ZBTB38: variants seen among roughly 807,000 people sequenced by gnomAD.
ZBTB38 encodes the protein zinc finger and BTB domain containing 38, also known as zinc finger and BTB domain-containing protein 38.
ZBTB38 carries 20 observed loss-of-function variants against 76.8 expected under a neutral mutation model. The observed-to-expected ratio is 0.26, with a 90% CI of 0.18 to 0.38. The LOEUF is 0.38. Ranked by LOEUF, ZBTB38 falls within the 10% of genes least tolerant of loss-of-function variation. The pLI is 1.00. For missense variants in ZBTB38, 1,082 were observed against 1,482.3 expected (o/e 0.73, Z 4.43); for synonymous variants, 504 against 544.2 (o/e 0.93, Z 1.03).
intron 1 of ZBTB38, among the ~76,000 whole-genome samples, chr3:141,329,274 T>A (rs1212679623): frequency 6.6e-6 from 1 of 152,218 alleles, no homozygotes; most frequent in Admixed American, 6.5e-5. Flanking sequence ...CCTGACTGTG[T>A]TCCTCCCATC....
chr3:141,334,456 C>CTTTCCTTT (rs1477952239), intron 1 of ZBTB38, among the ~76,000 whole-genome samples: 988 of 93,688 alleles, frequency 0.011, 8 homozygotes, highest in African/African-American at 0.051. Context: ...TTCCTTTCTT[C>CTTTCCTTT]CTTCCTTCCT....
intron 5 of ZBTB38, among the ~76,000 whole-genome samples, chr3:141,429,730 T>C (rs1382370387): frequency 2.0e-5 from 3 of 152,052 alleles, no homozygotes; most frequent in Non-Finnish European, 2.9e-5. Context: ...GATAGAGAGA[T>C]GGGGTGGCCC....
chr3:141,434,022 C>A, intron 5 of ZBTB38: 2 of 200,262 alleles, frequency 1.0e-5, no homozygotes, highest in Non-Finnish European at 1.8e-5. Flanking sequence ...TCTGCTCACT[C>A]TCAACATCAC....
At chr3:141,354,124 C>T (rs34051083) in intron 1 of ZBTB38, among the ~76,000 whole-genome samples, 1 of 152,136 alleles carries the variant, frequency 6.6e-6, no homozygotes, top group Non-Finnish European at 1.5e-5. Context: ...GTTCTGTGCA[C>T]AATACACACA....
At chr3:141,336,689 G>T (rs1414760665) in intron 1 of ZBTB38, among the ~76,000 whole-genome samples, 1 of 152,110 alleles carries the variant, frequency 6.6e-6, no homozygotes, top group Non-Finnish European at 1.5e-5. Context: ...ACAAATTTTT[G>T]TGTTGTGCGG....
At chr3:141,333,968 G>T (rs1942930857) in intron 1 of ZBTB38, among the ~76,000 whole-genome samples, 1 of 152,118 alleles carries the variant, frequency 6.6e-6, no homozygotes, top group Non-Finnish European at 1.5e-5. Context: ...AAACAGTGTG[G>T]TTGCCTCTTA....
At chr3:141,367,051 A>G (rs1051567079), upstream of ZBTB38, 1 of 152,302 alleles carries the variant, frequency 6.6e-6, no homozygotes, top group African/African-American at 2.4e-5. Context: ...TACCATTGTC[A>G]GGTCCAGATC....
At chr3:141,419,853 G>T (rs571823166) in intron 5 of ZBTB38, among the ~76,000 whole-genome samples, 1 of 152,268 alleles carries the variant, frequency 6.6e-6, no homozygotes, top group Non-Finnish European at 1.5e-5. Flanking sequence ...AGGCGTGGTG[G>T]TGCATGCCTA....
At chr3:141,391,789 T>C (rs1948952432) in intron 4 of ZBTB38, among the ~76,000 whole-genome samples, 2 of 152,332 alleles carry the variant, frequency 1.3e-5, no homozygotes, top group East Asian at 1.9e-4. Context: ...TCTCATCTCA[T>C]CTCATCTGGC....
intron 1 of ZBTB38, among the ~76,000 whole-genome samples, chr3:141,330,538 A>G (rs1942816369): frequency 6.6e-6 from 1 of 152,214 alleles, no homozygotes. Flanking sequence ...CCAGGATGAG[A>G]GGGTGTTCAG....
rs2080422742 is a variant in ZBTB38 at position 141,442,150 on chromosome 3, G to A, written c.1-239G>A. On this transcript the variant is annotated intron_variant, in intron 5 of 5. Coordinates refer to ENST00000321464, the MANE Select transcript of ZBTB38 (RefSeq NM_001376113.1). This position sits in a 1 kb window ranked among gnomAD's most constrained non-coding sequence, Gnocchi z 6.4. ...CTCCAACTTTGGAGAAAAGGGGAAG[G>A]AGTTCTGGGAGGATTTCCAATGATA... is the stretch of plus-strand genomic sequence containing the variant. Among the ~76,000 whole-genome samples, 1 of 152,028 alleles carries A rather than the reference G, an allele frequency of 6.6e-6. No individual in the cohort carries two copies. The highest frequency in any genetic ancestry group is 2.4e-5 in the African/African-American group (1 of 41,386).
At chr3:141,427,264 G>T (rs2076582288) in intron 5 of ZBTB38, among the ~76,000 whole-genome samples, 1 of 152,154 alleles carries the variant, frequency 6.6e-6, no homozygotes, top group African/African-American at 2.4e-5. Context: ...TTTTTACTCT[G>T]TAGTAAAGGC....
chr3:141,327,383 G>A (rs759296580), intron 1 of ZBTB38, among the ~76,000 whole-genome samples: 24 of 152,232 alleles, frequency 1.6e-4, no homozygotes, highest in Middle Eastern at 3.2e-3. Context: ...ACCTTGATAT[G>A]ATGTGACAGG....
chr3:141,433,329 T>TC (rs2078023692), intron 5 of ZBTB38, among the ~76,000 whole-genome samples: 1 of 151,472 alleles, frequency 6.6e-6, no homozygotes, highest in East Asian at 1.9e-4. Flanking sequence ...TTGTTTTGTT[T>TC]TTTTTTGTTT....
At chr3:141,350,773 T>C (rs1429510007) in intron 1 of ZBTB38, among the ~76,000 whole-genome samples, 1 of 152,248 alleles carries the variant, frequency 6.6e-6, no homozygotes, top group East Asian at 1.9e-4. Context: ...CAATGCCTTC[T>C]AGCATCAAGT....
At chr3:141,418,682 C>T (rs1191272801) in intron 5 of ZBTB38, among the ~76,000 whole-genome samples, 3 of 152,208 alleles carry the variant, frequency 2.0e-5, no homozygotes, top group African/African-American at 4.8e-5. Flanking sequence ...GAAAACAAAA[C>T]TCTGCTTGAT....
chr3:141,418,405 A>G (rs2074565702), intron 5 of ZBTB38, among the ~76,000 whole-genome samples: 1 of 152,114 alleles, frequency 6.6e-6, no homozygotes, highest in Non-Finnish European at 1.5e-5. Flanking sequence ...CCTATCCTTC[A>G]AGAGCGAGCC....
intron 5 of ZBTB38, among the ~76,000 whole-genome samples, chr3:141,421,482 GT>G (rs967517681): frequency 6.6e-6 from 1 of 151,990 alleles, no homozygotes; most frequent in East Asian, 1.9e-4. Context: ...TTTCTGTAGA[GT>G]TTTTTGGGTT....
At chr3:141,383,047 A>G (rs1946427436) in intron 3 of ZBTB38, among the ~76,000 whole-genome samples, 1 of 152,208 alleles carries the variant, frequency 6.6e-6, no homozygotes, top group Non-Finnish European at 1.5e-5. Flanking sequence ...TTGCAGGATT[A>G]TTGGGTTAGA....
Sources: gnomAD v4.1 joint callset for allele counts (sites outside exome capture counted in the v4.1 genomes callset) on GRCh38, gnomAD v4.1.1 for gene constraint, Gnocchi (gnomAD v3.1) non-coding constraint, MANE v1.5 for transcripts, NCBI Gene and HGNC (gene_info 2026-07-23, HGNC 2026-07-21) for gene names.